MDGA2: variants seen among roughly 807,000 people sequenced by gnomAD.
MDGA2 encodes the protein MAM domain-containing glycosylphosphatidylinositol anchor protein 2.
MDGA2 carries 40 observed loss-of-function variants against 117.8 expected under a neutral mutation model. That is an observed-to-expected ratio of 0.34 (90% CI 0.26 to 0.44). The LOEUF is 0.44. Ranked by LOEUF, MDGA2 falls within the 20% of genes least tolerant of loss-of-function variation. MDGA2 has a pLI of 1.00. For missense variants in MDGA2, 1,123 were observed against 1,250.6 expected (o/e 0.90, Z 1.54); for synonymous variants, 452 against 439.0 (o/e 1.03, Z -0.37).
chr14:47,622,518 T>C (rs1317420368), intron 1 of MDGA2, among the ~76,000 whole-genome samples: 3 of 151,744 alleles, frequency 2.0e-5, no homozygotes, highest in Non-Finnish European at 4.4e-5. Context: ...GTAGACAAAG[T>C]TGATATGGAA....
At chr14:46,925,342 A>G (rs779970217) in intron 9 of MDGA2, among the ~76,000 whole-genome samples, 1 of 152,086 alleles carries the variant, frequency 6.6e-6, no homozygotes, top group South Asian at 2.1e-4. Context: ...AAAATAAAAT[A>G]GAATTTAGGC....
intron 2 of MDGA2, among the ~76,000 whole-genome samples, chr14:47,252,392 C>T (rs1317129645): frequency 6.6e-6 from 1 of 152,086 alleles, no homozygotes; most frequent in Non-Finnish European, 1.5e-5. Context: ...TCATAATACA[C>T]ACACAAGTCC....
chr14:47,627,347 A>T (rs535510322), intron 1 of MDGA2, among the ~76,000 whole-genome samples: 1 of 151,508 alleles, frequency 6.6e-6, no homozygotes, highest in East Asian at 1.9e-4. Context: ...GAATGCACCA[A>T]CTGGCACTCT....
intron 1 of MDGA2, among the ~76,000 whole-genome samples, chr14:47,634,864 C>A (rs1312589553): frequency 6.6e-6 from 1 of 152,034 alleles, no homozygotes; most frequent in Non-Finnish European, 1.5e-5. Flanking sequence ...GGTTCACTAA[C>A]TGAATCACTT....
chr14:47,012,932 A>G (rs1887946203), intron 8 of MDGA2, among the ~76,000 whole-genome samples: 1 of 152,182 alleles, frequency 6.6e-6, no homozygotes, highest in South Asian at 2.1e-4. Flanking sequence ...CCTTAATTTA[A>G]AAATACCCTA....
intron 1 of MDGA2, among the ~76,000 whole-genome samples, chr14:47,448,938 A>G (rs1893183714): frequency 6.6e-6 from 1 of 152,152 alleles, no homozygotes; most frequent in African/African-American, 2.4e-5. Flanking sequence ...AGAGAGTTGG[A>G]GAACTGGTTG....
At chr14:47,429,423 A>G (rs1892755304) in intron 1 of MDGA2, among the ~76,000 whole-genome samples, 1 of 152,056 alleles carries the variant, frequency 6.6e-6, no homozygotes, top group African/African-American at 2.4e-5. Context: ...ATGGTTTTGT[A>G]TCTTCTGGAT....
chr14:47,140,231 T>C (rs1882659892), intron 4 of MDGA2, among the ~76,000 whole-genome samples: 1 of 152,032 alleles, frequency 6.6e-6, no homozygotes, highest in Non-Finnish European at 1.5e-5. Context: ...ATTGGAAGAA[T>C]TAACATTGTT....
At chr14:46,854,188 C>T (rs1881172684) in intron 15 of MDGA2, among the ~76,000 whole-genome samples, 1 of 151,180 alleles carries the variant, frequency 6.6e-6, no homozygotes, top group African/African-American at 2.4e-5. Context: ...CCATGAAATG[C>T]ATAAAAAAAA....
intron 7 of MDGA2, among the ~76,000 whole-genome samples, chr14:47,049,349 CA>C (rs1243156200): frequency 6.6e-6 from 1 of 152,018 alleles, no homozygotes; most frequent in African/African-American, 2.4e-5. Flanking sequence ...TGTAGGTTTT[CA>C]AGTCCCTTAT....
chr14:47,431,912 C>A (rs1262398617), intron 1 of MDGA2, among the ~76,000 whole-genome samples: 5 of 152,060 alleles, frequency 3.3e-5, no homozygotes, highest in Admixed American at 3.3e-4. Context: ...TATTTGACTA[C>A]AAGCACTCTT....
chr14:47,392,567 T>C (rs919687731), intron 1 of MDGA2, among the ~76,000 whole-genome samples: 3 of 152,062 alleles, frequency 2.0e-5, no homozygotes, highest in African/African-American at 7.2e-5. Flanking sequence ...AGGAGAACTT[T>C]CAGGGTAAAC....
intron 9 of MDGA2, among the ~76,000 whole-genome samples, chr14:46,936,773 G>A (rs1204753899): frequency 1.3e-5 from 2 of 151,404 alleles, no homozygotes; most frequent in East Asian, 3.9e-4. Context: ...GGTATAGAAG[G>A]CCCATAACAC....
At chr14:47,338,274 T>A (rs1890519457) in intron 1 of MDGA2, among the ~76,000 whole-genome samples, 1 of 151,944 alleles carries the variant, frequency 6.6e-6, no homozygotes, top group Non-Finnish European at 1.5e-5. Flanking sequence ...TTTATGGAAA[T>A]CATTTTACTG....
intron 1 of MDGA2, among the ~76,000 whole-genome samples, chr14:47,519,128 C>G (rs1233458498): frequency 3.3e-5 from 5 of 151,926 alleles, no homozygotes; most frequent in Non-Finnish European, 7.4e-5. Context: ...TCACTTAGAC[C>G]CGGGAGGCGG....
At chr14:46,853,628 A>C (rs1881149305) in intron 15 of MDGA2, among the ~76,000 whole-genome samples, 1 of 151,788 alleles carries the variant, frequency 6.6e-6, no homozygotes, top group Non-Finnish European at 1.5e-5. Flanking sequence ...TTCTAAAAAA[A>C]AAACAACAAG....
intron 7 of MDGA2, among the ~76,000 whole-genome samples, chr14:47,049,449 T>C (rs1387624057): frequency 6.6e-6 from 1 of 152,110 alleles, no homozygotes; most frequent in Non-Finnish European, 1.5e-5. Context: ...TCTAATACAA[T>C]GTAAATGCTA....
chr14:47,382,733 A>G (rs374561639), intron 1 of MDGA2, among the ~76,000 whole-genome samples: 1 of 152,170 alleles, frequency 6.6e-6, no homozygotes, highest in Non-Finnish European at 1.5e-5. Context: ...TGGAGAAATA[A>G]GAACACTTTT....
intron 1 of MDGA2, among the ~76,000 whole-genome samples, chr14:47,312,693 G>GTTTTTTTTTTTTTTTTTTTTTTTTTTTTT (rs375332903): frequency 9.6e-6 from 1 of 104,360 alleles, no homozygotes; most frequent in African/African-American, 3.4e-5. Flanking sequence ...TTTTTGTTTT[G>GTTTTTTTTTTTTTTTTTTTTTTTTTTTTT]TTTTGTTTTT....
Sources: allele counts gnomAD v4.1 joint callset (sites outside exome capture counted in the v4.1 genomes callset), GRCh38; gene constraint gnomAD v4.1.1; transcripts MANE v1.5; gene names NCBI Gene and HGNC (gene_info 2026-07-23, HGNC 2026-07-21).